Variants in RB1CC1 observed in about 807,000 individuals in gnomAD.
The protein encoded by RB1CC1 is RB1 inducible coiled-coil 1, also known as RB1-inducible coiled-coil protein 1.
In RB1CC1, 46 loss-of-function variants were observed where a neutral mutation model predicts 177.5. The ratio of observed to expected loss-of-function variants is 0.26; its 90% CI spans 0.20 to 0.33. The LOEUF (loss-of-function observed/expected upper bound fraction) is 0.33, where lower values mean the gene tolerates loss of function less well. RB1CC1 is among the 10% of genes least tolerant of loss of function. The probability of loss-of-function intolerance (pLI) is 1.00; values close to 1 mark genes in which losing one functional copy is unlikely to be tolerated. For synonymous variants in RB1CC1, 666 were observed against 613.6 expected, an observed-to-expected ratio of 1.09 and a Z score of -1.26; for missense variants, 1,703 against 1,816.3, an observed-to-expected ratio of 0.94 and a Z score of 1.13.
intron 15 of RB1CC1, among the ~76,000 whole-genome samples, chr8:52,653,677 T>C (rs1850829806): frequency 6.6e-6 from 1 of 152,178 alleles, no homozygotes; most frequent in African/African-American, 2.4e-5. Flanking sequence ...ACAAGCTGAA[T>C]AACCCTTATC....
At chr8:52,637,775 A>G (rs1849264041) in intron 18 of RB1CC1, among the ~76,000 whole-genome samples, 1 of 151,954 alleles carries the variant, frequency 6.6e-6, no homozygotes, top group Non-Finnish European at 1.5e-5. Context: ...GGTTCAATCA[A>G]TTCTCCTGTC....
intron 1 of RB1CC1, among the ~76,000 whole-genome samples, chr8:52,702,634 C>T (rs924388446): frequency 2.6e-5 from 4 of 151,994 alleles, no homozygotes; most frequent in Non-Finnish European, 5.9e-5. Flanking sequence ...GAGGATCACT[C>T]GCACCCGGCA....
At chr8:52,667,082 T>G (rs898129530) in intron 8 of RB1CC1, among the ~76,000 whole-genome samples, 2 of 152,048 alleles carry the variant, frequency 1.3e-5, no homozygotes, top group Admixed American at 1.3e-4. Context: ...ATACTAAAAT[T>G]GCTAAAAACC....
chr8:52,706,921 C>G (rs185730230), intron 1 of RB1CC1, among the ~76,000 whole-genome samples: 76 of 152,114 alleles, frequency 5.0e-4, no homozygotes, highest in Non-Finnish European at 1.2e-4. Flanking sequence ...CTCAGCCTCC[C>G]AAAGTTCTGG....
rs772926761 is a variant in RB1CC1 at position 52,642,475 on chromosome 8, T to C, written c.4213A>G (p.Thr1405Ala). 6.2e-7 allele frequency: 1 copy of C among 1,614,006 alleles called. No individual in the cohort carries two copies. The highest frequency in any genetic ancestry group is 1.3e-5 in the African/African-American group (1 of 74,924). ...CAAGCTCCATAAAGTTCTGGGGCTG[T>C]AGCTACATATGGTGAAGGAACAAAA... The part of the protein sequence containing the change: ...SSFVPSPYVA[T>A]APELYGACAP... The change falls in exon 18 of 24, where the codon ACA becomes GCA. Residue 1405 changes from threonine to alanine, a missense_variant. By Grantham distance (58) the Thr-to-Ala change is moderately conservative. Coordinates refer to ENST00000025008, the MANE Select transcript of RB1CC1 (RefSeq NM_014781.5).
At chr8:52,630,431 T>C (rs1418757884) in intron 21 of RB1CC1, 39 bp downstream of exon 21, 2 of 1,530,834 alleles carry the variant, frequency 1.3e-6, no homozygotes, top group East Asian at 4.8e-5. Context: ...TCAGTGAATG[T>C]TTTTCACAGA....
intron 5 of RB1CC1, among the ~76,000 whole-genome samples, chr8:52,678,779 T>C (rs963415360): frequency 5.9e-5 from 9 of 152,342 alleles, no homozygotes; most frequent in Admixed American, 3.3e-4. Context: ...TACAATGATA[T>C]GAATGTAAAG....
At chr8:52,637,606 A>T (rs1244667851) in intron 18 of RB1CC1, among the ~76,000 whole-genome samples, 1 of 152,182 alleles carries the variant, frequency 6.6e-6, no homozygotes, top group East Asian at 1.9e-4. Context: ...TCTCAATAAA[A>T]GATCAGGCTA....
intron 16 of RB1CC1, among the ~76,000 whole-genome samples, chr8:52,644,001 T>C (rs535667578): frequency 6.6e-6 from 1 of 152,216 alleles, no homozygotes; most frequent in South Asian, 2.1e-4. Context: ...AAAAGAAACA[T>C]TTATGATATG....
intron 1 of RB1CC1, among the ~76,000 whole-genome samples, chr8:52,695,895 G>C (rs530397762): frequency 6.6e-6 from 1 of 152,300 alleles, no homozygotes; most frequent in Non-Finnish European, 1.5e-5. Context: ...GGTGGATATG[G>C]GGAACCTGTG....
At chr8:52,701,421 G>A (rs1391794903) in intron 1 of RB1CC1, among the ~76,000 whole-genome samples, 7 of 152,062 alleles carry the variant, frequency 4.6e-5, no homozygotes, top group African/African-American at 1.7e-4. Context: ...CACTGTGACT[G>A]GCCAAGGGAC....
At chr8:52,704,111 G>T (rs905803995) in intron 1 of RB1CC1, among the ~76,000 whole-genome samples, 2 of 151,980 alleles carry the variant, frequency 1.3e-5, no homozygotes, top group African/African-American at 4.8e-5. Flanking sequence ...AAAATACTTG[G>T]AAAGAAATAA....
chr8:52,697,432 A>G (rs976239997), intron 1 of RB1CC1, among the ~76,000 whole-genome samples: 5 of 152,190 alleles, frequency 3.3e-5, no homozygotes, highest in African/African-American at 1.2e-4. Flanking sequence ...TTTTGGGATA[A>G]ATGTGCAAAT....
intron 20 of RB1CC1, 74 bp downstream of exon 20, chr8:52,634,847 A>G (rs1378538369): frequency 1.4e-5 from 18 of 1,284,834 alleles, no homozygotes; most frequent in Non-Finnish European, 2.0e-5. Flanking sequence ...CTCTGATGGA[A>G]TATCTTCATA....
chr8:52,708,274 T>C (rs1856758382), intron 1 of RB1CC1, among the ~76,000 whole-genome samples: 1 of 152,206 alleles, frequency 6.6e-6, no homozygotes, highest in South Asian at 2.1e-4. Flanking sequence ...CCCAGCACTT[T>C]GGGAGGCTGA....
chr8:52,625,224 C>A (rs1454210511), intron 22 of RB1CC1, among the ~76,000 whole-genome samples: 1 of 152,100 alleles, frequency 6.6e-6, no homozygotes, highest in Non-Finnish European at 1.5e-5. Context: ...ATTTTTAATA[C>A]AAGTTCTCAA....
In RB1CC1 at chr8:52,657,752, C is replaced by A. The variant is rs778214633; in HGVS notation, c.2077G>T (p.Asp693Tyr). 5 of 1,613,840 alleles carry A rather than the reference C, an allele frequency of 3.1e-6. No homozygotes were observed. The highest frequency in any genetic ancestry group is 4.2e-6 in the Non-Finnish European group (5 of 1,179,976). Residue 693 changes from aspartate (D) to tyrosine (Y), a missense_variant, in exon 15 of 24, where the codon GAT (aspartate) becomes TAT (tyrosine). Asp to Tyr is a radical substitution (Grantham distance 160, BLOSUM62 -3). Coordinates refer to ENST00000025008, the MANE Select transcript of RB1CC1 (RefSeq NM_014781.5). Reference sequence around the variant, plus strand: ...TCAAACGTATGTGCATCAATACTATCTGGAGATAATTCTTCTAAGGGACAA... The same window carrying A: ...TCAAACGTATGTGCATCAATACTATATGGAGATAATTCTTCTAAGGGACAA... ...AVCPLEELSP[D>Y]SIDAHTFDFE...
At chr8:52,640,418 G>A (rs1849470351) in intron 18 of RB1CC1, among the ~76,000 whole-genome samples, 1 of 152,136 alleles carries the variant, frequency 6.6e-6, no homozygotes, top group Non-Finnish European at 1.5e-5. Flanking sequence ...TTGAGGTGAT[G>A]GATTACTCTA....
At chr8:52,663,650 C>T (rs1049854093) in intron 8 of RB1CC1, among the ~76,000 whole-genome samples, 1 of 152,070 alleles carries the variant, frequency 6.6e-6, no homozygotes, top group Non-Finnish European at 1.5e-5. Flanking sequence ...TCACCAAACA[C>T]ATTCTAAAGG....
Sources: gnomAD v4.1 joint callset for allele counts (sites outside exome capture counted in the v4.1 genomes callset) on GRCh38, gnomAD v4.1.1 for gene constraint, MANE v1.5 for transcripts, NCBI Gene and HGNC (gene_info 2026-07-23, HGNC 2026-07-21) for gene names.